The following SNTG2 variants were observed in gnomAD, a reference collection of about 807,000 sequenced individuals.
SNTG2 encodes gamma-2-syntrophin.
SNTG2 carries 74 observed loss-of-function variants against 70.9 expected under a neutral mutation model. That is an observed-to-expected ratio of 1.04 (90% CI 0.86 to 1.27). SNTG2 has a LOEUF of 1.27. SNTG2 is among the 50% of genes most tolerant of loss of function. The pLI is 0.00. For synonymous variants in SNTG2, 278 were observed against 273.8 expected, an observed-to-expected ratio of 1.02 and a Z score of -0.15; for missense variants, 717 against 690.7, an observed-to-expected ratio of 1.04 and a Z score of -0.43.
At chr2:1,300,125 T>G (rs182942353) in intron 14 of SNTG2, among the ~76,000 whole-genome samples, 194 of 137,164 alleles carry the variant, frequency 1.4e-3, no homozygotes, top group African/African-American at 5.0e-3. Context: ...ATGCAAGAAG[T>G]GTGCCTCAAA....
At chr2:1,184,089 G>C (rs575760011) in intron 8 of SNTG2, among the ~76,000 whole-genome samples, 46 of 152,280 alleles carry the variant, frequency 3.0e-4, no homozygotes, top group Middle Eastern at 3.4e-3. Flanking sequence ...GCCACCCTTG[G>C]TCCTAATACT....
intron 2 of SNTG2, among the ~76,000 whole-genome samples, chr2:1,090,946 G>T (rs1021083166): frequency 3.3e-5 from 5 of 152,188 alleles, no homozygotes; most frequent in Admixed American, 1.3e-4. Context: ...TCTACCGGGA[G>T]ACTGCCTTTT....
intron 8 of SNTG2, among the ~76,000 whole-genome samples, chr2:1,181,065 A>G (rs1401841563): frequency 6.6e-6 from 1 of 151,788 alleles, no homozygotes; most frequent in African/African-American, 2.4e-5. Flanking sequence ...TGGGGACTGT[A>G]GTGGGGTGGG....
chr2:1,125,030 A>C (rs1230303144), intron 4 of SNTG2, among the ~76,000 whole-genome samples: 4 of 152,212 alleles, frequency 2.6e-5, no homozygotes, highest in Non-Finnish European at 5.9e-5. Context: ...TAACCATTTT[A>C]CTATCTATAA....
At chr2:1,083,373 T>A (rs1664466520) in intron 1 of SNTG2, 145 bp from the exon 2 acceptor site, 1 of 621,836 alleles carries the variant, frequency 1.6e-6, no homozygotes, top group Non-Finnish European at 2.6e-6. Flanking sequence ...AATCAAATCC[T>A]TATCGGTTGA....
chr2:1,231,845 C>A (rs1357899042), intron 9 of SNTG2, among the ~76,000 whole-genome samples: 1 of 152,132 alleles, frequency 6.6e-6, no homozygotes, highest in Non-Finnish European at 1.5e-5. Flanking sequence ...CGTGTGCCTA[C>A]TGAGTGCCAG....
At chr2:1,100,959 C>T (rs1414801138) in intron 4 of SNTG2, among the ~76,000 whole-genome samples, 3 of 60,562 alleles carry the variant, frequency 5.0e-5, no homozygotes, top group Non-Finnish European at 1.7e-4. Context: ...AGCCCGTGTG[C>T]CCTCCCGAGC....
In SNTG2 at chr2:1,112,169, G is replaced by C. The variant is rs535492549; in HGVS notation, c.325+13759G>C. Among the ~76,000 whole-genome samples the C allele has an allele frequency of 3.2e-4, 48 of 151,518 alleles. 3 individuals are homozygous for C. Among genetic ancestry groups the C allele is most frequent in the African/African-American group, 1.1e-3 (47 of 40,956 alleles). Reference sequence around the variant, plus strand: ...GCCTTACACTGCTTTGAGAAGGATCGTGTGTACTAAGGGAGGTTTAACCCT... The same window carrying C: ...GCCTTACACTGCTTTGAGAAGGATCCTGTGTACTAAGGGAGGTTTAACCCT... On this transcript the variant is annotated intron_variant, in intron 4 of 16. Transcript: ENST00000308624.
intron 14 of SNTG2, among the ~76,000 whole-genome samples, chr2:1,270,698 A>G (rs1678974092): frequency 6.6e-6 from 1 of 152,142 alleles, no homozygotes; most frequent in Admixed American, 6.5e-5. Context: ...CTCTCCGTAA[A>G]TGTGTTCTTC....
intron 1 of SNTG2, among the ~76,000 whole-genome samples, chr2:1,049,551 T>A (rs904172893): frequency 1.3e-5 from 2 of 152,218 alleles, no homozygotes; most frequent in Non-Finnish European, 2.9e-5. Flanking sequence ...TTCATTCACC[T>A]TCATATTGGT....
chr2:1,187,110 G>A (rs78218615), intron 8 of SNTG2, among the ~76,000 whole-genome samples: 1,720 of 152,090 alleles, frequency 0.011, 28 homozygotes, highest in African/African-American at 0.039. Context: ...ATGGAGGAGA[G>A]GCAACATTTG....
intron 12 of SNTG2, among the ~76,000 whole-genome samples, chr2:1,255,875 T>TATATAA (rs1164926216): frequency 0.025 from 1,359 of 55,062 alleles, 25 homozygotes; most frequent in Non-Finnish European, 0.035. Flanking sequence ...TATATATAAA[T>TATATAA]ATATATATAA....
chr2:1,030,834 G>T (rs1039874348), intron 1 of SNTG2, among the ~76,000 whole-genome samples: 8 of 152,278 alleles, frequency 5.3e-5, no homozygotes, highest in Admixed American at 1.3e-4. Context: ...GAAATCCATG[G>T]TTCTGCTGCA....
intron 8 of SNTG2, among the ~76,000 whole-genome samples, chr2:1,206,213 A>T (rs1673624261): frequency 6.6e-6 from 1 of 152,176 alleles, no homozygotes; most frequent in East Asian, 1.9e-4. Flanking sequence ...GCAGCACATG[A>T]ACTCCCTCAG....
chr2:1,239,024 G>T (rs1255588544), intron 10 of SNTG2, among the ~76,000 whole-genome samples: 1 of 152,250 alleles, frequency 6.6e-6, no homozygotes, highest in Non-Finnish European at 1.5e-5. Flanking sequence ...AAGCAGAGAA[G>T]GAAGTACCAG....
chr2:1,162,543 G>A (rs1464361559), intron 6 of SNTG2, among the ~76,000 whole-genome samples: 1 of 152,096 alleles, frequency 6.6e-6, no homozygotes, highest in Non-Finnish European at 1.5e-5. Flanking sequence ...TTGCTGGGAG[G>A]TGGCTGGACA....
intron 6 of SNTG2, among the ~76,000 whole-genome samples, chr2:1,155,453 A>G (rs1441849001): frequency 1.3e-5 from 2 of 151,122 alleles, no homozygotes; most frequent in South Asian, 4.2e-4. Context: ...GTACACACAC[A>G]CCAGACACAA....
chr2:1,314,190 C>T (rs1681158503), intron 15 of SNTG2, among the ~76,000 whole-genome samples: 1 of 152,152 alleles, frequency 6.6e-6, no homozygotes, highest in Non-Finnish European at 1.5e-5. Flanking sequence ...AAATTTGAAC[C>T]AAAGACTCTT....
rs865843439 is a variant in SNTG2, at chr2:1,188,477, G to C, written c.591+15294G>C. On this transcript the variant is annotated intron_variant, in intron 8 of 16. Coordinates refer to ENST00000308624, the MANE Select transcript of SNTG2 (RefSeq NM_018968.4). ...TAACAAACAAGAAAATTCAGCTTTT[G>C]CTATTTAAAAGAGACACACTCAAAA... 7.5e-4 allele frequency among the ~76,000 whole-genome samples: 114 copies of C among 151,908 alleles called. 1 individual carries two copies. The highest frequency in any genetic ancestry group is 2.6e-3 in the African/African-American group (106 of 41,380).
Sources: allele counts gnomAD v4.1 joint callset (sites outside exome capture counted in the v4.1 genomes callset), GRCh38; gene constraint gnomAD v4.1.1; transcripts MANE v1.5; gene names NCBI Gene and HGNC (gene_info 2026-07-23, HGNC 2026-07-21).